Variants in DPYD observed in about 807,000 individuals in gnomAD.
The protein encoded by DPYD is dihydropyrimidine dehydrogenase [NADP(+)].
A neutral mutation model predicts 116.2 loss-of-function variants in DPYD; 109 were observed. The ratio of observed to expected loss-of-function variants is 0.94; its 90% CI spans 0.80 to 1.10. The LOEUF (loss-of-function observed/expected upper bound fraction) is 1.10, where lower values mean the gene tolerates loss of function less well. Among genes scored for constraint, DPYD ranks in the 50% least tolerant of loss-of-function variants. DPYD has a pLI of 0.00. For synonymous variants in DPYD, 440 were observed against 432.0 expected (o/e 1.02, Z -0.23); for missense variants, 1,302 against 1,254.5 (o/e 1.04, Z -0.57).
chr1:97,704,173 A>G (rs1338828119), intron 5 of DPYD, among the ~76,000 whole-genome samples: 3 of 152,082 alleles, frequency 2.0e-5, no homozygotes, highest in Non-Finnish European at 4.4e-5. Flanking sequence ...TTTCATATAT[A>G]CACAATATAC....
chr1:97,279,685 T>C (rs1341316272), intron 18 of DPYD, among the ~76,000 whole-genome samples: 1 of 152,148 alleles, frequency 6.6e-6, no homozygotes, highest in Non-Finnish European at 1.5e-5. Context: ...AATTTTTGTA[T>C]TTTTAGTAGA....
intron 7 of DPYD, among the ~76,000 whole-genome samples, chr1:97,685,112 T>C (rs1312799904): frequency 2.0e-5 from 3 of 151,994 alleles, no homozygotes; most frequent in African/African-American, 4.8e-5. Flanking sequence ...TGCTGGCAAA[T>C]GAAATTCAGC....
intron 20 of DPYD, among the ~76,000 whole-genome samples, chr1:97,192,822 C>T (rs1478893242): frequency 2.0e-5 from 3 of 152,134 alleles, no homozygotes; most frequent in Admixed American, 6.5e-5. Flanking sequence ...TTTGGAGGCA[C>T]TTTACACTGC....
intron 8 of DPYD, among the ~76,000 whole-genome samples, chr1:97,596,057 C>T (rs867676799): frequency 6.6e-6 from 1 of 151,724 alleles, no homozygotes; most frequent in Non-Finnish European, 1.5e-5. Flanking sequence ...AGGTTTAATG[C>T]ACAAAAATGA....
intron 18 of DPYD, among the ~76,000 whole-genome samples, chr1:97,282,005 T>C (rs747128156): frequency 7.9e-5 from 12 of 152,152 alleles, no homozygotes; most frequent in Non-Finnish European, 1.2e-4. Context: ...TTTCCATCTA[T>C]TGCTCAAATA....
chr1:97,285,172 T>C (rs74655673), intron 18 of DPYD, among the ~76,000 whole-genome samples: 11,674 of 152,216 alleles, frequency 0.077, 1,005 homozygotes, highest in African/African-American at 0.21. Context: ...AACTACAAAA[T>C]TCACAGTAAA....
At chr1:97,239,276 A>G (rs768584519) in intron 18 of DPYD, among the ~76,000 whole-genome samples, 16 of 152,184 alleles carry the variant, frequency 1.1e-4, no homozygotes, top group Non-Finnish European at 2.1e-4. Flanking sequence ...ATTTTGATGA[A>G]AAGTATTTTT....
intron 20 of DPYD, among the ~76,000 whole-genome samples, chr1:97,128,687 T>C (rs1283101680): frequency 6.6e-6 from 1 of 152,146 alleles, no homozygotes; most frequent in Non-Finnish European, 1.5e-5. Context: ...CACTGCAGTA[T>C]ATCAAGACTC....
chr1:97,323,615 TATATATACATATC>T (rs1472671337), intron 16 of DPYD, among the ~76,000 whole-genome samples: 7 of 72,498 alleles, frequency 9.7e-5, no homozygotes, highest in African/African-American at 2.5e-4. Context: ...TATATACACG[TATATATACATATC>T]ATATATACAT....
intron 9 of DPYD, among the ~76,000 whole-genome samples, chr1:97,593,805 G>T (rs1459388729): frequency 2.0e-5 from 3 of 152,006 alleles, no homozygotes; most frequent in African/African-American, 7.3e-5. Context: ...ACTTTTTTAT[G>T]TATTACCTTA....
chr1:97,838,793 C>G (rs554730953), intron 2 of DPYD, among the ~76,000 whole-genome samples: 27 of 151,868 alleles, frequency 1.8e-4, no homozygotes, highest in African/African-American at 5.8e-4. Flanking sequence ...TGCAGTGAGC[C>G]GAGATTGCGC....
At chr1:97,627,233 G>T (rs1408023319) in intron 8 of DPYD, among the ~76,000 whole-genome samples, 4 of 152,028 alleles carry the variant, frequency 2.6e-5, no homozygotes, top group African/African-American at 9.7e-5. Flanking sequence ...TAAAACATCT[G>T]CTGAGATGCA....
chr1:97,870,117 T>C (rs1047608395), intron 2 of DPYD, among the ~76,000 whole-genome samples: 1 of 151,926 alleles, frequency 6.6e-6, no homozygotes, highest in African/African-American at 2.4e-5. Context: ...TTGCAAATGC[T>C]GAATAGATAT....
intron 20 of DPYD, among the ~76,000 whole-genome samples, chr1:97,143,055 T>G (rs1373024415): frequency 1.3e-5 from 2 of 152,072 alleles, no homozygotes; most frequent in East Asian, 3.9e-4. Flanking sequence ...TAGCTTTTTT[T>G]TCCTGTCCAC....
chr1:97,329,971 A>G (rs994206016), intron 16 of DPYD, among the ~76,000 whole-genome samples: 1 of 151,818 alleles, frequency 6.6e-6, no homozygotes, highest in Admixed American at 6.6e-5. Context: ...CTAGAACACC[A>G]AAATATGCAA....
intron 14 of DPYD, among the ~76,000 whole-genome samples, chr1:97,430,815 C>T (rs1015058894): frequency 9.2e-5 from 14 of 152,020 alleles, no homozygotes; most frequent in African/African-American, 3.4e-4. Context: ...ATTCCTCTTA[C>T]TGAAATACAA....
intron 18 of DPYD, among the ~76,000 whole-genome samples, chr1:97,256,855 T>C (rs1280212335): frequency 6.6e-6 from 1 of 152,118 alleles, no homozygotes; most frequent in African/African-American, 2.4e-5. Context: ...CTGTCAATAG[T>C]TGGAACATAT....
chr1:97,613,625 T>C (rs1656084623), intron 8 of DPYD, among the ~76,000 whole-genome samples: 1 of 152,026 alleles, frequency 6.6e-6, no homozygotes, highest in East Asian at 1.9e-4. Context: ...AATATATATT[T>C]ACTAATTAAA....
At chr1:97,409,577 C>T (rs768835571) in intron 14 of DPYD, among the ~76,000 whole-genome samples, 3 of 152,180 alleles carry the variant, frequency 2.0e-5, no homozygotes, top group Non-Finnish European at 2.9e-5. Context: ...TGTAAAAACA[C>T]ACAACTTACT....
Sources: gnomAD v4.1 joint callset for allele counts (sites outside exome capture counted in the v4.1 genomes callset) on GRCh38, gnomAD v4.1.1 for gene constraint, MANE v1.5 for transcripts, NCBI Gene and HGNC (gene_info 2026-07-23, HGNC 2026-07-21) for gene names.